The following POLA1 variants were observed in gnomAD, a reference collection of about 807,000 sequenced individuals.
POLA1 encodes DNA polymerase alpha 1, catalytic subunit.
A neutral mutation model predicts 124.0 loss-of-function variants in POLA1; 15 were observed. The observed-to-expected ratio is 0.12, with a 90% CI of 0.08 to 0.19. The LOEUF is 0.19. POLA1 is among the 10% of genes least tolerant of loss of function. The pLI is 1.00. For missense variants in POLA1, 886 were observed against 1,103.4 expected, an observed-to-expected ratio of 0.80 and a Z score of 2.79; for synonymous variants, 408 against 389.4, an observed-to-expected ratio of 1.05 and a Z score of -0.56.
chrX:24,930,361 G>C (rs1290156924), intron 35 of POLA1, 92 bp from the exon 36 acceptor site: 1 of 592,275 alleles, frequency 1.7e-6, no homozygotes, highest in Non-Finnish European at 2.8e-6. Context: ...TGATTTGGAA[G>C]TTGAAAGTAG....
At chrX:24,885,785 A>G (rs1185750595) in intron 34 of POLA1, among the ~76,000 whole-genome samples, 3 of 111,685 alleles carry the variant, frequency 2.7e-5, no homozygotes, top group Non-Finnish European at 5.6e-5. Context: ...CGGCCTCCCA[A>G]AGTGCTGGGA....
intron 16 of POLA1, among the ~76,000 whole-genome samples, chrX:24,733,546 T>G (rs1243691740): frequency 8.9e-6 from 1 of 112,068 alleles, no homozygotes; most frequent in Non-Finnish European, 1.9e-5. Flanking sequence ...CAAAGCAGTT[T>G]TAACAACTGC....
At position 24,932,282 on chromosome X, in the gene POLA1, G is replaced by A. The variant is rs140070965; in HGVS notation, c.4261+1733G>A. Among the ~76,000 whole-genome samples, 15 of 111,917 alleles carry A rather than the reference G, an allele frequency of 1.3e-4. No individual in the cohort carries two copies. In the East Asian group the frequency reaches 3.9e-3, roughly 29 times the overall value. ...GGGGAAAGATTCCTCTTCCCTATACGGCTCTAAAATTCTTATCTGAGAGGC... is the reference window on the plus strand; with the variant it reads ...GGGGAAAGATTCCTCTTCCCTATACAGCTCTAAAATTCTTATCTGAGAGGC... On this transcript the variant is annotated intron_variant, in intron 36 of 36. Coordinates refer to ENST00000379068, the MANE Select transcript of POLA1 (RefSeq NM_001330360.2).
chrX:24,872,001 T>G (rs925551852), intron 34 of POLA1, among the ~76,000 whole-genome samples: 1 of 111,857 alleles, frequency 8.9e-6, no homozygotes, highest in Admixed American at 9.5e-5. Flanking sequence ...CCTGGGTGGC[T>G]TAGTTCTTAG....
At chrX:24,819,954 G>C (rs1177289154) in intron 30 of POLA1, among the ~76,000 whole-genome samples, 1 of 111,464 alleles carries the variant, frequency 9.0e-6, no homozygotes, top group Non-Finnish European at 1.9e-5. Context: ...ATGGTTTCCA[G>C]CTTCATCCAT....
chrX:24,850,312 ATAAC>A (rs1322744018), intron 34 of POLA1, among the ~76,000 whole-genome samples: 1 of 112,268 alleles, frequency 8.9e-6, no homozygotes, highest in Non-Finnish European at 1.9e-5. Context: ...ATCTAAGTGA[ATAAC>A]AGATCAAATC....
chrX:24,916,230 T>C (rs2047528082), intron 35 of POLA1, among the ~76,000 whole-genome samples: 1 of 110,984 alleles, frequency 9.0e-6, no homozygotes, highest in Admixed American at 9.5e-5. Flanking sequence ...CATCTAAATA[T>C]GTTGAGGCTA....
chrX:24,837,383 G>A (rs12842649), intron 32 of POLA1, among the ~76,000 whole-genome samples: 5 of 111,501 alleles, frequency 4.5e-5, no homozygotes, highest in Non-Finnish European at 9.4e-5. Context: ...CTTTCACTTA[G>A]CATGGTATTT....
At chrX:24,963,078 A>G (rs1339769992) in intron 36 of POLA1, among the ~76,000 whole-genome samples, 1 of 111,773 alleles carries the variant, frequency 8.9e-6, no homozygotes, top group Non-Finnish European at 1.9e-5. Context: ...GAATCTGTGC[A>G]TATTTAAAAT....
intron 36 of POLA1, among the ~76,000 whole-genome samples, chrX:24,981,901 G>A (rs2048424999): frequency 8.9e-6 from 1 of 112,162 alleles, no homozygotes; most frequent in African/African-American, 3.2e-5. Flanking sequence ...ATGCAGACCT[G>A]TAGACAAAAT....
intron 26 of POLA1, among the ~76,000 whole-genome samples, chrX:24,795,662 ATTTTTTT>A (rs35044901): frequency 0.069 from 6,486 of 94,084 alleles, 492 homozygotes; most frequent in African/African-American, 0.24. Flanking sequence ...AGAAAGAAAG[ATTTTTTT>A]TTTTTTTTTT....
rs766709057 is a variant in POLA1 at position 24,748,466 on chromosome X, T to C, written c.2841+6T>C. On this transcript the variant is annotated splice_donor_region_variant and intron_variant, in intron 25 of 36. Coordinates refer to ENST00000379068, the MANE Select transcript of POLA1 (RefSeq NM_001330360.2). ...ATCCAGACCTTATTCTTCAGGTATATCTTTTCACTAAGAAACATTTGAGTG... is the reference window on the plus strand; with the variant it reads ...ATCCAGACCTTATTCTTCAGGTATACCTTTTCACTAAGAAACATTTGAGTG... The C allele has an allele frequency of 3.6e-5, 42 of 1,163,706 alleles. No individual in the cohort carries two copies. Among genetic ancestry groups the C allele is most frequent in the Non-Finnish European group, 4.9e-5 (42 of 861,471 alleles).
At chrX:24,703,447 C>G (rs1219281236) in intron 3 of POLA1, 100 bp downstream of exon 3, 8 of 579,347 alleles carry the variant, frequency 1.4e-5, no homozygotes, top group African/African-American at 2.3e-5. Flanking sequence ...GCTGCTTTGC[C>G]TGGGCAAATG....
intron 26 of POLA1, chrX:24,788,430 C>T (rs576485483): frequency 8.4e-6 from 10 of 1,194,333 alleles, no homozygotes; most frequent in South Asian, 5.3e-5. Context: ...ATGGACTGCA[C>T]GTAGTCCTCA....
intron 36 of POLA1, among the ~76,000 whole-genome samples, chrX:24,940,138 G>A (rs930379400): frequency 6.3e-5 from 7 of 111,492 alleles, no homozygotes; most frequent in Non-Finnish European, 1.3e-4. Context: ...AAACATAAGC[G>A]CACAAACATG....
intron 36 of POLA1, among the ~76,000 whole-genome samples, chrX:24,983,111 G>A (rs752283797): frequency 3.6e-5 from 4 of 111,509 alleles, no homozygotes; most frequent in African/African-American, 6.5e-5. Flanking sequence ...GATTTTTCTC[G>A]TTTATGTTAA....
chrX:24,704,416 G>A lies in POLA1; in HGVS notation c.293G>A (p.Arg98Gln). Residue 98 changes from arginine (R) to glutamine (Q), a missense_variant, in exon 4 of 37, where the codon CGA becomes CAA. Arg to Gln is a conservative substitution (Grantham distance 43). Around this residue, in one of 7 missense-constraint regions of POLA1, gnomAD observed 337 missense variants for 402.8 expected, o/e 0.84. Transcript: ENST00000379068. ...GGTATTGGCTATGTGGAAGATGGCC[G>A]AGAGATTTTTGATGATGACCTTGAA... The part of the protein sequence containing the change: ...DDGIGYVEDG[R>Q]EIFDDDLEDD... 1.7e-6 allele frequency: 2 copies of A among 1,204,711 alleles called. No homozygotes were observed. Among genetic ancestry groups the A allele is most frequent in the Middle Eastern group, 2.3e-4 (1 of 4,336 alleles).
rs187051788 is a variant in POLA1, at chrX:24,793,038, A to T, written c.2965-16860A>T. Among the ~76,000 whole-genome samples the T allele has an allele frequency of 3.5e-3, 382 of 110,632 alleles. 3 individuals carry two copies. The highest frequency in any genetic ancestry group is 0.012 in the African/African-American group (351 of 30,436). On this transcript the variant is annotated intron_variant, in intron 26 of 36. Coordinates refer to ENST00000379068, the MANE Select transcript of POLA1 (RefSeq NM_001330360.2). ...TTTTCTGTAATCCCAGCACTTTGGG[A>T]GGCCGAGGTGGGTGGATCACCTGAG...
intron 36 of POLA1, among the ~76,000 whole-genome samples, chrX:24,990,223 C>G: frequency 8.9e-6 from 1 of 112,151 alleles, no homozygotes; most frequent in Non-Finnish European, 1.9e-5. Context: ...TCAATGGATT[C>G]TAAATGGTTT....
Sources: gnomAD v4.1 joint callset for allele counts (sites outside exome capture counted in the v4.1 genomes callset) on GRCh38, gnomAD v4.1.1 for gene constraint, gnomAD v4.1.1 regional missense constraint, MANE v1.5 for transcripts, NCBI Gene and HGNC (gene_info 2026-07-23, HGNC 2026-07-21) for gene names.